EYS: variants seen among roughly 807,000 people sequenced by gnomAD.
EYS encodes the protein EGF-like photoreceptor maintenance factor.
In EYS, 250 loss-of-function variants were observed where a neutral mutation model predicts 282.1. The ratio of observed to expected loss-of-function variants is 0.89; its 90% CI spans 0.80 to 0.98. The LOEUF (loss-of-function observed/expected upper bound fraction) is 0.98, where lower values mean the gene tolerates loss of function less well. EYS is among the 50% of genes least tolerant of loss of function. The pLI is 0.00. For missense variants in EYS, 4,016 were observed against 3,709.0 expected (o/e 1.08, Z -2.15); for synonymous variants, 1,355 against 1,282.9 (o/e 1.06, Z -1.20).
intron 31 of EYS, among the ~76,000 whole-genome samples, chr6:64,129,170 C>T: frequency 6.6e-6 from 1 of 152,184 alleles, no homozygotes; most frequent in East Asian, 1.9e-4. Flanking sequence ...ATCTTTGCAT[C>T]TGTTCCTTTA....
At chr6:64,452,591 C>T (rs1316478615) in intron 26 of EYS, among the ~76,000 whole-genome samples, 3 of 152,132 alleles carry the variant, frequency 2.0e-5, no homozygotes, top group African/African-American at 7.2e-5. Flanking sequence ...AGGCATCACA[C>T]TACCTGACTT....
chr6:65,178,596 C>T (rs1376841075), intron 12 of EYS, among the ~76,000 whole-genome samples: 2 of 151,916 alleles, frequency 1.3e-5, no homozygotes, highest in Non-Finnish European at 2.9e-5. Context: ...ACTTAGACTC[C>T]CACACATTAA....
chr6:64,063,719 T>C (rs3003688), intron 33 of EYS, among the ~76,000 whole-genome samples: 5,641 of 152,164 alleles, frequency 0.037, 339 homozygotes, highest in African/African-American at 0.12. Flanking sequence ...TTTTCTAGCA[T>C]AGGGTTTTGT....
intron 28 of EYS, among the ~76,000 whole-genome samples, chr6:64,394,251 T>C (rs1773275507): frequency 6.6e-6 from 1 of 152,124 alleles, no homozygotes; most frequent in South Asian, 2.1e-4. Context: ...AAGCTACCAA[T>C]GCCTTTCTTC....
intron 2 of EYS, among the ~76,000 whole-genome samples, chr6:65,531,381 G>A (rs866579455): frequency 5.3e-5 from 8 of 152,150 alleles, no homozygotes; most frequent in African/African-American, 1.9e-4. Context: ...GAATACATGA[G>A]TGAAATACAA....
intron 5 of EYS, among the ~76,000 whole-genome samples, chr6:65,431,636 T>G (rs747565366): frequency 3.9e-5 from 6 of 152,130 alleles, no homozygotes; most frequent in Admixed American, 6.5e-5. Context: ...ATATTATGTG[T>G]TGGAAAAAAT....
At chr6:65,649,339 T>C (rs1767571512) in intron 1 of EYS, among the ~76,000 whole-genome samples, 1 of 152,012 alleles carries the variant, frequency 6.6e-6, no homozygotes, top group African/African-American at 2.4e-5. Context: ...GTGTATAGCA[T>C]AGGTTCTTTT....
intron 24 of EYS, among the ~76,000 whole-genome samples, chr6:64,603,978 C>T (rs535910880): frequency 6.6e-6 from 1 of 151,748 alleles, no homozygotes; most frequent in East Asian, 1.9e-4. Context: ...TTCTTTTCTT[C>T]CCTTATGACA....
intron 2 of EYS, among the ~76,000 whole-genome samples, chr6:65,603,018 G>C (rs1333540310): frequency 6.6e-6 from 1 of 151,910 alleles, no homozygotes; most frequent in Admixed American, 6.6e-5. Context: ...GGTTTAGGGT[G>C]ATAGTAACTG....
At chr6:65,100,500 G>T (rs1293467660) in intron 12 of EYS, among the ~76,000 whole-genome samples, 1 of 149,470 alleles carries the variant, frequency 6.7e-6, no homozygotes. Flanking sequence ...CAAATAATAT[G>T]ATTTCAATGA....
chr6:63,877,750 C>T (rs966820330), intron 35 of EYS, among the ~76,000 whole-genome samples: 10 of 152,180 alleles, frequency 6.6e-5, no homozygotes, highest in Admixed American at 2.0e-4. Flanking sequence ...CTTTCTTCCA[C>T]TTGATCAAAT....
At chr6:64,197,249 G>A (rs1250364281) in intron 31 of EYS, among the ~76,000 whole-genome samples, 1 of 152,090 alleles carries the variant, frequency 6.6e-6, no homozygotes, top group East Asian at 1.9e-4. Flanking sequence ...TGTTGAGAGA[G>A]GCGATTTTCT....
intron 12 of EYS, among the ~76,000 whole-genome samples, chr6:65,094,802 C>T (rs1003264962): frequency 4.6e-5 from 7 of 150,864 alleles, no homozygotes; most frequent in African/African-American, 7.3e-5. Flanking sequence ...TAACTCTATA[C>T]CTCAAGAAGC....
intron 19 of EYS, among the ~76,000 whole-genome samples, chr6:64,875,059 A>G (rs1046295192): frequency 5.3e-5 from 8 of 152,070 alleles, no homozygotes; most frequent in Non-Finnish European, 1.0e-4. Flanking sequence ...TTACTGCAGG[A>G]AGTATCAAGG....
chr6:64,410,578 A>G lies in EYS; in HGVS notation c.5928-21738T>C, dbSNP rs148224567. 4.2e-3 allele frequency among the ~76,000 whole-genome samples: 635 copies of G among 152,274 alleles called. 1 individual carries two copies. The highest frequency in any genetic ancestry group is 6.6e-3 in the Non-Finnish European group (447 of 67,998). Reference sequence around the variant, plus strand: ...ATTATCTGGTTCCAAATGCCATTCTATCTTTCTTTCACAGTCATATTTAAA... The same window carrying G: ...ATTATCTGGTTCCAAATGCCATTCTGTCTTTCTTTCACAGTCATATTTAAA... On this transcript the variant is annotated intron_variant, in intron 28 of 42. Transcript: ENST00000503581.
chr6:64,511,047 A>G (rs1777374910), intron 26 of EYS, among the ~76,000 whole-genome samples: 1 of 151,752 alleles, frequency 6.6e-6, no homozygotes, highest in African/African-American at 2.4e-5. Context: ...AAGATGGGAG[A>G]AATTGGTGGT....
intron 5 of EYS, among the ~76,000 whole-genome samples, chr6:65,428,663 T>A (rs1323955454): frequency 6.6e-6 from 1 of 151,996 alleles, no homozygotes; most frequent in Non-Finnish European, 1.5e-5. Context: ...TCCCTTAAAC[T>A]CCACCCATGC....
intron 12 of EYS, among the ~76,000 whole-genome samples, chr6:65,173,856 T>G (rs508892): frequency 0.019 from 2,849 of 151,356 alleles, 71 homozygotes; most frequent in African/African-American, 0.065. Flanking sequence ...AGTTGCATAG[T>G]AAGGCTAAAT....
At chr6:64,884,482 C>G (rs1767023191) in intron 19 of EYS, among the ~76,000 whole-genome samples, 1 of 151,096 alleles carries the variant, frequency 6.6e-6, no homozygotes, top group South Asian at 2.1e-4. Context: ...TAAGTAAAAC[C>G]TTGCAGTGTC....
Sources: allele counts gnomAD v4.1 joint callset (sites outside exome capture counted in the v4.1 genomes callset), GRCh38; gene constraint gnomAD v4.1.1; transcripts MANE v1.5; gene names NCBI Gene and HGNC (gene_info 2026-07-23, HGNC 2026-07-21).